HIP1: variants seen among roughly 807,000 people sequenced by gnomAD.
HIP1 encodes huntingtin interacting protein 1.
HIP1 carries 65 observed loss-of-function variants against 147.6 expected under a neutral mutation model. That is an observed-to-expected ratio of 0.44 (90% CI 0.36 to 0.54). The LOEUF is 0.54. Ranked by LOEUF, HIP1 falls within the 20% of genes least tolerant of loss-of-function variation. The pLI is 0.00. For missense variants in HIP1, 1,061 were observed against 1,299.6 expected, an observed-to-expected ratio of 0.82 and a Z score of 2.82; for synonymous variants, 479 against 504.0, an observed-to-expected ratio of 0.95 and a Z score of 0.67.
chr7:75,602,641 T>C (rs1283984271), intron 1 of HIP1, among the ~76,000 whole-genome samples: 1 of 151,700 alleles, frequency 6.6e-6, no homozygotes, highest in Non-Finnish European at 1.5e-5. Context: ...TAGCTGGGAC[T>C]ACAGGCGCCT....
intron 2 of HIP1, among the ~76,000 whole-genome samples, chr7:75,595,247 TCTTTCTTCCTTCCTTCCTTCCTTC>T (rs1315744765): frequency 4.8e-5 from 4 of 82,938 alleles, no homozygotes; most frequent in African/African-American, 2.6e-4. Context: ...TTTCTTTCTT[TCTTTCTTCCTTCCTTCCTTCCTTC>T]CTTCCTTCCT....
chr7:75,680,869 A>G (rs12056084), intron 1 of HIP1, among the ~76,000 whole-genome samples: 88,658 of 151,934 alleles, frequency 0.58, 26,440 homozygotes, highest in African/African-American at 0.69. Flanking sequence ...TCCGCCTCCC[A>G]GGTTCAGGCC....
chr7:75,691,932 G>A (rs1800467032), intron 1 of HIP1, among the ~76,000 whole-genome samples: 1 of 152,144 alleles, frequency 6.6e-6, no homozygotes, highest in South Asian at 2.1e-4. Flanking sequence ...TCTTTGCAGG[G>A]GGTGGGGAGG....
chr7:75,607,671 C>A (rs1185503702), intron 1 of HIP1, among the ~76,000 whole-genome samples: 1 of 151,616 alleles, frequency 6.6e-6, no homozygotes, highest in Non-Finnish European at 1.5e-5. Flanking sequence ...ATGATCACGC[C>A]ACTGCACTCC....
chr7:75,613,917 G>A (rs1189667123), intron 1 of HIP1, among the ~76,000 whole-genome samples: 2 of 150,904 alleles, frequency 1.3e-5, no homozygotes, highest in African/African-American at 4.9e-5. Context: ...GTAGAGATGG[G>A]GTTTGCTATG....
At chr7:75,636,024 C>CAAAAAA (rs34434184) in intron 1 of HIP1, among the ~76,000 whole-genome samples, 1 of 53,706 alleles carries the variant, frequency 1.9e-5, no homozygotes, top group African/African-American at 9.0e-5. Context: ...GACCCTGTCT[C>CAAAAAA]AAAAAAAAAA....
chr7:75,668,794 TA>T (rs782261924), intron 1 of HIP1, among the ~76,000 whole-genome samples: 12 of 152,250 alleles, frequency 7.9e-5, no homozygotes, highest in Non-Finnish European at 1.2e-4. Context: ...TACATTTTTT[TA>T]AAACTGAGAT....
intron 1 of HIP1, among the ~76,000 whole-genome samples, chr7:75,685,005 G>A (rs1800210515): frequency 6.6e-6 from 1 of 151,968 alleles, no homozygotes; most frequent in African/African-American, 2.4e-5. Flanking sequence ...GCAGGAGAAT[G>A]GCATGAACCC....
At chr7:75,616,177 T>A (rs1797655713) in intron 1 of HIP1, among the ~76,000 whole-genome samples, 1 of 146,852 alleles carries the variant, frequency 6.8e-6, no homozygotes, top group Non-Finnish European at 1.5e-5. Context: ...TAGACAAGAA[T>A]GAGAAAGGAC....
At chr7:75,614,866 C>T (rs1052569595) in intron 1 of HIP1, among the ~76,000 whole-genome samples, 10 of 152,004 alleles carry the variant, frequency 6.6e-5, no homozygotes, top group Non-Finnish European at 1.2e-4. Context: ...CTCTGCCTCC[C>T]GGGTTCAAGT....
intron 1 of HIP1, among the ~76,000 whole-genome samples, chr7:75,726,238 C>G (rs909981319): frequency 6.6e-6 from 1 of 151,652 alleles, no homozygotes; most frequent in Non-Finnish European, 1.5e-5. Flanking sequence ...TAGACATTAT[C>G]CAATGTGGTT....
At chr7:75,700,681 T>C (rs1354858578) in intron 1 of HIP1, among the ~76,000 whole-genome samples, 2 of 150,820 alleles carry the variant, frequency 1.3e-5, no homozygotes, top group Admixed American at 6.6e-5. Flanking sequence ...CAGAAACGTC[T>C]CCTGGGGTTA....
At chr7:75,623,994 T>C (rs1554507611) in intron 1 of HIP1, among the ~76,000 whole-genome samples, 1 of 152,062 alleles carries the variant, frequency 6.6e-6, no homozygotes, top group East Asian at 1.9e-4. Flanking sequence ...GGCAGGAGGA[T>C]CACTCGAGCT....
At chr7:75,623,907 A>G (rs959187139) in intron 1 of HIP1, among the ~76,000 whole-genome samples, 9 of 152,188 alleles carry the variant, frequency 5.9e-5, no homozygotes, top group African/African-American at 1.4e-4. Context: ...TCTACAAAAC[A>G]TCAGAAAATT....
intron 1 of HIP1, among the ~76,000 whole-genome samples, chr7:75,606,275 C>T (rs587753465): frequency 9.9e-5 from 15 of 152,138 alleles, no homozygotes; most frequent in South Asian, 2.1e-4. Context: ...ATAGGAGCTC[C>T]GGGTTACAGG....
intron 4 of HIP1, among the ~76,000 whole-genome samples, chr7:75,588,175 T>C (rs2116952175): frequency 6.6e-6 from 1 of 152,336 alleles, no homozygotes; most frequent in Admixed American, 6.5e-5. Context: ...GCTGAGAATT[T>C]AATTTCGAGT....
At chr7:75,691,286 C>T (rs1465542739) in intron 1 of HIP1, among the ~76,000 whole-genome samples, 4 of 148,456 alleles carry the variant, frequency 2.7e-5, no homozygotes, top group African/African-American at 1.0e-4. Flanking sequence ...GTCAGGATTT[C>T]GAGACCAGTC....
At chr7:75,558,632 T>C (rs1795109231) in intron 14 of HIP1, among the ~76,000 whole-genome samples, 2 of 152,198 alleles carry the variant, frequency 1.3e-5, no homozygotes, top group African/African-American at 2.4e-5. Flanking sequence ...CTTCCTTTGA[T>C]TTAGGAATGC....
chr7:75,738,745 C>A, intron 1 of HIP1, 56 bp downstream of exon 1: 2 of 1,568,934 alleles, frequency 1.3e-6, no homozygotes, highest in South Asian at 1.2e-5. Flanking sequence ...AAGCCCCTCC[C>A]GGACACCGCG....
Sources: allele counts gnomAD v4.1 joint callset (sites outside exome capture counted in the v4.1 genomes callset), GRCh38; gene constraint gnomAD v4.1.1; transcripts MANE v1.5; gene names NCBI Gene and HGNC (gene_info 2026-07-23, HGNC 2026-07-21).